Variants in NRXN1 observed in about 807,000 individuals in gnomAD.
NRXN1 encodes neurexin-1.
In NRXN1, 39 loss-of-function variants were observed where a neutral mutation model predicts 150.9. The ratio of observed to expected loss-of-function variants is 0.26; its 90% CI spans 0.20 to 0.34. The LOEUF is 0.34. Ranked by LOEUF, NRXN1 falls within the 10% of genes least tolerant of loss-of-function variation. The probability of loss-of-function intolerance (pLI) is 1.00; values close to 1 mark genes in which losing one functional copy is unlikely to be tolerated. For synonymous variants in NRXN1, 924 were observed against 757.0 expected (o/e 1.22, Z -3.62); for missense variants, 1,815 against 1,949.9 (o/e 0.93, Z 1.30).
intron 21 of NRXN1, among the ~76,000 whole-genome samples, chr2:50,030,484 C>A (rs1242326079): frequency 6.6e-6 from 1 of 152,096 alleles, no homozygotes; most frequent in Non-Finnish European, 1.5e-5. Context: ...AGTTTACTTT[C>A]TCCTCCTGTA....
At chr2:50,228,924 G>A (rs899906412) in intron 18 of NRXN1, among the ~76,000 whole-genome samples, 10 of 151,836 alleles carry the variant, frequency 6.6e-5, no homozygotes, top group Non-Finnish European at 2.9e-5. Flanking sequence ...GAGGAGAGAG[G>A]CCTCCTCTGT....
chr2:50,987,688 G>T (rs748785979), intron 2 of NRXN1, among the ~76,000 whole-genome samples: 1 of 151,906 alleles, frequency 6.6e-6, no homozygotes, highest in African/African-American at 2.4e-5. Context: ...GGATGCATAT[G>T]TTCTGTGTTA....
intron 18 of NRXN1, among the ~76,000 whole-genome samples, chr2:50,126,080 G>A (rs1000395152): frequency 1.3e-5 from 2 of 152,072 alleles, no homozygotes; most frequent in Non-Finnish European, 2.9e-5. Context: ...AAATAAAAAC[G>A]TATTTCATCC....
chr2:50,291,542 G>T (rs1164828795), intron 17 of NRXN1, among the ~76,000 whole-genome samples: 1 of 152,124 alleles, frequency 6.6e-6, no homozygotes, highest in Non-Finnish European at 1.5e-5. Context: ...CTGGAACTGA[G>T]ACTCCCTGAA....
At chr2:50,262,018 C>G (rs1487631768) in intron 17 of NRXN1, among the ~76,000 whole-genome samples, 2 of 151,932 alleles carry the variant, frequency 1.3e-5, no homozygotes, top group South Asian at 4.1e-4. Flanking sequence ...GTCACTCCAC[C>G]AAAGCCGGCG....
At chr2:50,916,693 A>T (rs1685260410) in intron 5 of NRXN1, 1 of 151,596 alleles carries the variant, frequency 6.6e-6, no homozygotes, top group South Asian at 2.1e-4. Flanking sequence ...CTCCTCTCTG[A>T]GGATAAGTTA....
chr2:50,755,634 C>T (rs1314200173), intron 5 of NRXN1, among the ~76,000 whole-genome samples: 3 of 151,786 alleles, frequency 2.0e-5, no homozygotes, highest in Non-Finnish European at 2.9e-5. Context: ...ACCAAAAAAT[C>T]AAGCCATTCT....
chr2:50,423,120 G>A (rs545965190), intron 17 of NRXN1, among the ~76,000 whole-genome samples: 78 of 152,168 alleles, frequency 5.1e-4, no homozygotes, highest in African/African-American at 1.8e-3. Flanking sequence ...CTCATTCCCT[G>A]GTGAAACATA....
chr2:50,776,027 T>G (rs1703590082), intron 5 of NRXN1, among the ~76,000 whole-genome samples: 1 of 152,266 alleles, frequency 6.6e-6, no homozygotes, highest in South Asian at 2.1e-4. Context: ...TATATTACTG[T>G]GGACCCAAAG....
At chr2:50,868,163 AT>A (rs1559371653) in intron 5 of NRXN1, among the ~76,000 whole-genome samples, 14 of 76,768 alleles carry the variant, frequency 1.8e-4, no homozygotes, top group African/African-American at 5.0e-4. Flanking sequence ...ATATATATAT[AT>A]ATATATATAT....
chr2:50,063,573 C>CACAT (rs1553547102), intron 19 of NRXN1, among the ~76,000 whole-genome samples: 1 of 151,636 alleles, frequency 6.6e-6, no homozygotes, highest in Non-Finnish European at 1.5e-5. Context: ...CACACACACA[C>CACAT]ACACACACAC....
chr2:50,494,913 C>A (rs2091471457), intron 15 of NRXN1, among the ~76,000 whole-genome samples: 1 of 151,904 alleles, frequency 6.6e-6, no homozygotes, highest in South Asian at 2.1e-4. Flanking sequence ...TGCCTGTAAT[C>A]CCAGCTACTT....
At chr2:50,784,246 T>A (rs1704774376) in intron 5 of NRXN1, among the ~76,000 whole-genome samples, 1 of 152,064 alleles carries the variant, frequency 6.6e-6, no homozygotes, top group South Asian at 2.1e-4. Flanking sequence ...TTAAGGAACT[T>A]TGCTTGTTAC....
intron 17 of NRXN1, among the ~76,000 whole-genome samples, chr2:50,465,180 A>T (rs1172041784): frequency 6.6e-6 from 1 of 151,896 alleles, no homozygotes; most frequent in Non-Finnish European, 1.5e-5. Context: ...AATGAAAAAC[A>T]TTCTTTTGAA....
At chr2:50,481,510 A>G (rs2090454120) in intron 15 of NRXN1, among the ~76,000 whole-genome samples, 1 of 152,188 alleles carries the variant, frequency 6.6e-6, no homozygotes, top group Admixed American at 6.5e-5. Flanking sequence ...AAAAGTCAAC[A>G]TTTGATTTTT....
At chr2:50,345,872 A>G (rs940118191) in intron 17 of NRXN1, among the ~76,000 whole-genome samples, 1 of 152,218 alleles carries the variant, frequency 6.6e-6, no homozygotes. Context: ...TGAAGGAGGA[A>G]GTAAGACCTC....
intron 8 of NRXN1, among the ~76,000 whole-genome samples, chr2:50,593,038 T>C (rs1674544843): frequency 6.6e-6 from 1 of 152,238 alleles, no homozygotes; most frequent in African/African-American, 2.4e-5. Context: ...AACCTCTCTT[T>C]CCTCTCCCTT....
At chr2:50,932,508 G>A (rs980851769) in intron 2 of NRXN1, among the ~76,000 whole-genome samples, 10 of 151,964 alleles carry the variant, frequency 6.6e-5, no homozygotes, top group African/African-American at 2.4e-4. Flanking sequence ...AATATCATAT[G>A]TTCCCACTTA....
intron 17 of NRXN1, among the ~76,000 whole-genome samples, chr2:50,263,188 A>G (rs1259359960): frequency 6.6e-6 from 1 of 151,014 alleles, no homozygotes; most frequent in Non-Finnish European, 1.5e-5. Context: ...ACACACACAC[A>G]CACACATACA....
Sources: allele counts gnomAD v4.1 joint callset (sites outside exome capture counted in the v4.1 genomes callset), GRCh38; gene constraint gnomAD v4.1.1; transcripts MANE v1.5; gene names NCBI Gene and HGNC (gene_info 2026-07-23, HGNC 2026-07-21).